Variants in LRRC27 observed in about 807,000 individuals in gnomAD.
The protein encoded by LRRC27 is leucine-rich repeat-containing protein 27.
Under a neutral mutation model 55.0 loss-of-function variants are expected in LRRC27, and 57 were observed. That is an observed-to-expected ratio of 1.04 (90% CI 0.84 to 1.29). The LOEUF is 1.29. Among genes scored for constraint, LRRC27 ranks in the 50% most tolerant of loss-of-function variants. The pLI is 0.00. For synonymous variants in LRRC27, 278 were observed against 251.9 expected, an observed-to-expected ratio of 1.10 and a Z score of -0.98; for missense variants, 721 against 651.5, an observed-to-expected ratio of 1.11 and a Z score of -1.16.
At chr10:132,365,124 G>A (rs117148158) in intron 9 of LRRC27, among the ~76,000 whole-genome samples, 2,022 of 152,356 alleles carry the variant, frequency 0.013, 40 homozygotes, top group South Asian at 0.031. Flanking sequence ...TCCTAAATGT[G>A]TCATATCTTA....
intron 10 of LRRC27, among the ~76,000 whole-genome samples, chr10:132,371,580 C>T (rs891600855): frequency 6.6e-6 from 1 of 152,208 alleles, no homozygotes; most frequent in Non-Finnish European, 1.5e-5. Flanking sequence ...GGAGGCTCCC[C>T]CTCCCCAGGG....
intron 9 of LRRC27, 100 bp from the exon 10 acceptor site, chr10:132,365,324 T>G: frequency 6.6e-7 from 1 of 1,513,832 alleles, no homozygotes; most frequent in Middle Eastern, 1.7e-4. Context: ...CTGTTTGGTC[T>G]GGGAAGAAAG....
At chr10:132,340,094 G>C (rs2138650455) in intron 3 of LRRC27, among the ~76,000 whole-genome samples, 1 of 152,302 alleles carries the variant, frequency 6.6e-6, no homozygotes, top group East Asian at 1.9e-4. Context: ...TCAGCTTGCT[G>C]GCAGAGAGAA....
intron 7 of LRRC27, among the ~76,000 whole-genome samples, chr10:132,355,049 C>T (rs148712462): frequency 1.3e-5 from 2 of 152,316 alleles, no homozygotes; most frequent in Admixed American, 1.3e-4. Context: ...CTGCAGACTG[C>T]GGAGGCCCGA....
intron 8 of LRRC27, 66 bp downstream of exon 8, chr10:132,355,952 C>A: frequency 9.1e-7 from 1 of 1,096,936 alleles, no homozygotes; most frequent in Non-Finnish European, 1.3e-6. Flanking sequence ...TGCTCACAGG[C>A]ATCCCTGTCC....
rs1373031619 is a variant in LRRC27, at chr10:132,374,585, C to T, written c.1417-481C>T. 1.3e-5 allele frequency among the ~76,000 whole-genome samples: 2 copies of T among 152,218 alleles called. No individual in the cohort carries two copies. Among genetic ancestry groups the T allele is most frequent in the Admixed American group, 1.3e-4 (2 of 15,286 alleles). On this transcript the variant is annotated intron_variant, in intron 10 of 10. Transcript: ENST00000368614. This position sits in a 1 kb window ranked among gnomAD's most constrained non-coding sequence, Gnocchi z 4.4. ...TGTAGGAACCCCTGATCCACAGCTTCTGTGTCTGTGGGGTGGGGGTGGCAA... is the reference window on the plus strand; with the variant it reads ...TGTAGGAACCCCTGATCCACAGCTTTTGTGTCTGTGGGGTGGGGGTGGCAA...
chr10:132,348,362 A>G lies in LRRC27; in HGVS notation c.926+6A>G. ...AAGCCAAGACACGTTTTCAGGTAAA[A>G]CTGAAAAGCAACGGGGGATTTTCTT... On this transcript the variant is annotated splice_donor_region_variant and intron_variant, in intron 6 of 10. Transcript: ENST00000368614. This position sits in a 1 kb window ranked among gnomAD's most constrained non-coding sequence, Gnocchi z 4.2. 6.2e-7 allele frequency: 1 copy of G among 1,601,148 alleles called. No homozygotes were observed. The highest frequency in any genetic ancestry group is 8.5e-7 in the Non-Finnish European group (1 of 1,172,282).
intron 9 of LRRC27, among the ~76,000 whole-genome samples, chr10:132,364,952 A>T (rs12358251): frequency 6.6e-6 from 1 of 151,980 alleles, no homozygotes; most frequent in Non-Finnish European, 1.5e-5. Flanking sequence ...CTTTAAAATT[A>T]AAGGAACCCC....
chr10:132,353,373 C>T (rs368155210), intron 7 of LRRC27: 1 of 1,069,590 alleles, frequency 9.3e-7, no homozygotes. Context: ...CCCTCCCCAA[C>T]ATGAATAAAC....
chr10:132,364,748 G>A (rs75387274), intron 9 of LRRC27, among the ~76,000 whole-genome samples: 312 of 28,182 alleles, frequency 0.011, 6 homozygotes, highest in Non-Finnish European at 0.016. Context: ...CTACCTCCAC[G>A]CCCACACTTA....
At chr10:132,349,973 A>C (rs979567041) in intron 6 of LRRC27, among the ~76,000 whole-genome samples, 1 of 152,180 alleles carries the variant, frequency 6.6e-6, no homozygotes, top group Non-Finnish European at 1.5e-5. Flanking sequence ...TATTAAGAAG[A>C]AGCTCTAAGA....
chr10:132,339,537 A>G (rs1281185218), intron 3 of LRRC27, among the ~76,000 whole-genome samples: 2 of 152,182 alleles, frequency 1.3e-5, no homozygotes, highest in Admixed American at 6.5e-5. Context: ...CAGCTGGTAC[A>G]TCTGCCGAGC....
chr10:132,356,755 G>A (rs554429059), intron 8 of LRRC27, among the ~76,000 whole-genome samples: 1 of 152,382 alleles, frequency 6.6e-6, no homozygotes, highest in East Asian at 1.9e-4. Flanking sequence ...TGCGGGCATG[G>A]GCCGTGGGCA....
chr10:132,365,316 G>T (rs960146460), intron 9 of LRRC27, 108 bp from the exon 10 acceptor site: 5 of 1,484,330 alleles, frequency 3.4e-6, no homozygotes, highest in Non-Finnish European at 3.7e-6. Flanking sequence ...CAGGACCGCT[G>T]TTTGGTCTGG....
intron 8 of LRRC27, among the ~76,000 whole-genome samples, chr10:132,359,601 C>G (rs549942869): frequency 3.9e-5 from 6 of 152,348 alleles, no homozygotes; most frequent in African/African-American, 1.2e-4. Context: ...GGAGTGTGCC[C>G]CCAGCCCTGC....
Position 132,378,616 on chromosome 10 carries a change from C to T in LRRC27, c.*3374C>T, listed in dbSNP as rs1366330391. ...CCTCTCTGTACATCAGGCTAGATGCCTCCTGTCTACGTGGTTTTAGATTTA... is the reference window on the plus strand; with the variant it reads ...CCTCTCTGTACATCAGGCTAGATGCTTCCTGTCTACGTGGTTTTAGATTTA... On this transcript the variant is annotated 3_prime_UTR_variant, in exon 11 of 11. Coordinates refer to ENST00000368614, the MANE Select transcript of LRRC27 (RefSeq NM_030626.3). 1.3e-5 allele frequency: 2 copies of T among 152,228 alleles called. No homozygotes were observed. The highest frequency in any genetic ancestry group is 3.8e-4 in the East Asian group (2 of 5,208). The allele number at this position is 152,228 out of a possible 1,614,324, so 9.4% of individuals were successfully genotyped here. A position where few individuals can be genotyped will look rare whatever the true frequency, so the allele number is the denominator to read the frequency against.
At chr10:132,336,723 A>G (rs1288257924) in intron 2 of LRRC27, 5 of 743,772 alleles carry the variant, frequency 6.7e-6, no homozygotes, top group Non-Finnish European at 1.2e-5. Flanking sequence ...ATAGATTTTG[A>G]AACCTAGATG....
intron 7 of LRRC27, chr10:132,353,311 C>T: frequency 8.7e-7 from 1 of 1,154,190 alleles, no homozygotes; most frequent in Non-Finnish European, 1.1e-6. Context: ...GCGGCTGCAG[C>T]CCGGCCCTGA....
At chr10:132,340,029 C>G (rs1178346809) in intron 3 of LRRC27, among the ~76,000 whole-genome samples, 1 of 152,164 alleles carries the variant, frequency 6.6e-6, no homozygotes, top group Non-Finnish European at 1.5e-5. Context: ...CCTCTCAAAA[C>G]ATAATTAAAA....
Sources: gnomAD v4.1 joint callset for allele counts (sites outside exome capture counted in the v4.1 genomes callset) on GRCh38, gnomAD v4.1.1 for gene constraint, Gnocchi (gnomAD v3.1) non-coding constraint, MANE v1.5 for transcripts, NCBI Gene and HGNC (gene_info 2026-07-23, HGNC 2026-07-21) for gene names.